The following IL33 variants were observed in gnomAD, a reference collection of about 807,000 sequenced individuals.
IL33 encodes the protein interleukin 33.
A neutral mutation model predicts 27.3 loss-of-function variants in IL33; 37 were observed. The observed-to-expected ratio is 1.36, with a 90% CI of 1.04 to 1.78. The LOEUF is 1.78. Ranked by LOEUF, IL33 falls within the 40% of genes most tolerant of loss-of-function variation. The pLI, the probability that IL33 is intolerant of heterozygous loss-of-function variation, is 0.00. For missense variants in IL33, 406 were observed against 311.4 expected (o/e 1.30, Z -2.29); for synonymous variants, 132 against 102.9 (o/e 1.28, Z -1.71).
Position 6,256,904 on chromosome 9 carries a change from G to C in IL33, c.*736G>C, listed in dbSNP as rs1816763171. ...TTTTTATATATTGAGTTTAAGCAAGGCATTCTTACACGAGGAAGTGAAGTA... is the reference window on the plus strand; with the variant it reads ...TTTTTATATATTGAGTTTAAGCAAGCCATTCTTACACGAGGAAGTGAAGTA... On this transcript the variant is annotated 3_prime_UTR_variant, in exon 8 of 8. Coordinates refer to ENST00000682010, the MANE Select transcript of IL33 (RefSeq NM_033439.4). 6.6e-6 allele frequency: 1 copy of C among 151,928 alleles called. No homozygotes were observed. The highest frequency in any genetic ancestry group is 1.5e-5 in the Non-Finnish European group (1 of 67,990). 9.4% of individuals were successfully genotyped at this position (151,928 alleles called of 1,614,324 possible). A position where few individuals can be genotyped will look rare whatever the true frequency, so the allele number is the denominator to read the frequency against.
chr9:6,246,977 A>C (rs562885978), intron 2 of IL33, among the ~76,000 whole-genome samples: 52 of 152,370 alleles, frequency 3.4e-4, no homozygotes, highest in African/African-American at 1.2e-3. Flanking sequence ...TCCAGAATTC[A>C]GAAGATATAC....
At position 6,251,254 on chromosome 9, in the gene IL33, C is replaced by A; in HGVS notation, c.332C>A (p.Ser111Ter). 6.2e-7 allele frequency: 1 copy of A among 1,613,432 alleles called. No individual in the cohort carries two copies. Among genetic ancestry groups the A allele is most frequent in the South Asian group, 1.1e-5 (1 of 91,028 alleles). Residue 111 changes from serine (S) to a stop codon, truncating the protein, a stop_gained, in exon 4 of 8, where the codon TCA becomes TAA. Transcript: ENST00000682010. LOFTEE classifies it high-confidence loss of function. ...AAATATACTAGAGCACTTCATGATT[C>A]AAGTATCACAGGTATGACTGGTTAC... ...VQKYTRALHD[S>*]SITGISPITE...
chr9:6,225,535 A>G (rs10435816), intron 1 of IL33, among the ~76,000 whole-genome samples: 52,169 of 151,858 alleles, frequency 0.34, 10,492 homozygotes, highest in African/African-American at 0.55. Flanking sequence ...GTTTTAGGCC[A>G]CCTCTGCAGT....
At position 6,251,159 on chromosome 9, in the gene IL33, T is replaced by A; in HGVS notation, c.237T>A (p.His79Gln). 1 of 1,613,914 alleles carries A rather than the reference T, an allele frequency of 6.2e-7. No homozygotes were observed. Among genetic ancestry groups the A allele is most frequent in the Non-Finnish European group, 8.5e-7 (1 of 1,179,830 alleles). ...CTGCAGGTAGAAAGCACAAAAGACATCTGGTACTCGCTGCCTGTCAACAGC... is the reference window on the plus strand; with the variant it reads ...CTGCAGGTAGAAAGCACAAAAGACAACTGGTACTCGCTGCCTGTCAACAGC... ...SLKTGRKHKR[H>Q]LVLAACQQQS... is the part of the protein sequence containing the mutation. The change falls in exon 4 of 8, where the codon CAT becomes CAA. Residue 79 changes from histidine to glutamine, a missense_variant. Transcript: ENST00000682010.
In IL33 at chr9:6,218,634, TA is replaced by T. The variant is rs1002152371; in HGVS notation, c.-12+2783del. Among the ~76,000 whole-genome samples the T allele has an allele frequency of 1.2e-4, 17 of 146,500 alleles. 1 individual carries two copies. Among genetic ancestry groups the T allele is most frequent in the African/African-American group, 4.0e-4 (16 of 39,606 alleles). On this transcript the variant is annotated intron_variant, in intron 1 of 7. Coordinates refer to ENST00000682010, the MANE Select transcript of IL33 (RefSeq NM_033439.4). ...CACATATATATTCTCCCTATATATA[TA>T]TTTTTTCTCCCTATACATATGTCCC... is the stretch of plus-strand genomic sequence containing the variant.
At chr9:6,216,521 G>A (rs1447594187) in intron 1 of IL33, among the ~76,000 whole-genome samples, 2 of 152,264 alleles carry the variant, frequency 1.3e-5, no homozygotes, top group East Asian at 3.9e-4. Flanking sequence ...AATCGCCTGA[G>A]GTCAGGAGTT....
chr9:6,227,652 T>C (rs1254417517), intron 1 of IL33, among the ~76,000 whole-genome samples: 2 of 152,182 alleles, frequency 1.3e-5, no homozygotes, highest in African/African-American at 4.8e-5. Flanking sequence ...TTCCAACCAT[T>C]AAGTGTAATG....
intron 1 of IL33, among the ~76,000 whole-genome samples, chr9:6,217,982 ATTTGTCT>A (rs1818220882): frequency 2.0e-5 from 3 of 146,762 alleles, no homozygotes; most frequent in African/African-American, 2.4e-5. Context: ...TGCTTCTCAA[ATTTGTCT>A]TTTGAATACT....
intron 1 of IL33, among the ~76,000 whole-genome samples, chr9:6,222,998 C>T (rs568065222): frequency 1.9e-4 from 29 of 152,132 alleles, no homozygotes; most frequent in African/African-American, 6.0e-4. Context: ...AATAATAAAA[C>T]AAATACCTGT....
rs139007911 is a variant in IL33 at position 6,256,044 on chromosome 9, T to C, written c.689T>C (p.Phe230Ser). ...AATATGCACTCCAACTGTGTTTCATTTGAATGCAAGACTGATCCTGGAGTG... is the reference window on the plus strand; with the variant it reads ...AATATGCACTCCAACTGTGTTTCATCTGAATGCAAGACTGATCCTGGAGTG... The part of the protein sequence containing the change: ...LHNMHSNCVS[F>S]ECKTDPGVFI... The change falls in exon 8 of 8, where the codon TTT (phenylalanine) becomes TCT (serine). Residue 230 changes from phenylalanine (F) to serine (S), a missense_variant. Phe to Ser is a radical substitution (Grantham distance 155). Transcript: ENST00000682010. 6.8e-6 allele frequency: 11 copies of C among 1,613,598 alleles called. No homozygotes were observed. Among genetic ancestry groups the C allele is most frequent in the African/African-American group, 2.7e-5 (2 of 74,920 alleles).
Position 6,256,438 on chromosome 9 carries a change from T to A in IL33, c.*270T>A, listed in dbSNP as rs2130486651. 2 of 467,322 alleles carry A rather than the reference T, an allele frequency of 4.3e-6. No individual in the cohort carries two copies. Among genetic ancestry groups the A allele is most frequent in the Non-Finnish European group, 7.5e-6 (2 of 268,084 alleles). The allele number at this position is 467,322 out of a possible 1,614,324, so 28.9% of individuals were successfully genotyped here. ...CGGTCAACATTCTAAAGAGATACAG[T>A]CTGACCTTTACTTTTCTCTAGTTTC... On this transcript the variant is annotated 3_prime_UTR_variant, in exon 8 of 8. Coordinates refer to ENST00000682010, the MANE Select transcript of IL33 (RefSeq NM_033439.4).
At chr9:6,243,401 C>A (rs1350784676) in intron 2 of IL33, among the ~76,000 whole-genome samples, 1 of 152,208 alleles carries the variant, frequency 6.6e-6, no homozygotes, top group African/African-American at 2.4e-5. Flanking sequence ...GTCTCCCAGG[C>A]TGAAGTGCAG....
chr9:6,226,728 A>G (rs1021316270), intron 1 of IL33, among the ~76,000 whole-genome samples: 6 of 152,236 alleles, frequency 3.9e-5, no homozygotes, highest in Non-Finnish European at 4.4e-5. Flanking sequence ...TTAGAATACT[A>G]TCTAACAATA....
In IL33 at chr9:6,254,475, T is replaced by A. The variant is rs1816605623; in HGVS notation, c.534T>A (p.Asp178Glu). The A allele has an allele frequency of 8.8e-6, 14 of 1,584,496 alleles. No individual in the cohort carries two copies. Among genetic ancestry groups the A allele is most frequent in the Non-Finnish European group, 1.1e-5 (13 of 1,162,470 alleles). Residue 178 changes from aspartate to glutamate, a missense_variant, in exon 7 of 8, where the codon GAT becomes GAA. By Grantham distance (45) the Asp-to-Glu change is conservative (BLOSUM62 2). Coordinates refer to ENST00000682010, the MANE Select transcript of IL33 (RefSeq NM_033439.4). The part of the protein sequence containing the change: ...HPSNESGDGV[D>E]GKMLMVTLSP... Reference sequence around the variant, plus strand: ...CTTAATTGTAAGGTGACGGTGTTGATGGTAAGATGTTAATGGTAACCCTGA... The same window carrying A: ...CTTAATTGTAAGGTGACGGTGTTGAAGGTAAGATGTTAATGGTAACCCTGA...
In IL33 at chr9:6,257,027, GCA is replaced by G. The variant is rs1816775148; in HGVS notation, c.*860_*861del. 6.6e-6 allele frequency: 1 copy of G among 151,462 alleles called. No homozygotes were observed. The highest frequency in any genetic ancestry group is 2.4e-5 in the African/African-American group (1 of 41,180). 9.4% of individuals were successfully genotyped at this position (151,462 alleles called of 1,614,324 possible). ...GTACTGAGTCACAACATGTTTTAGA[GCA>G]TCCAAGTACCATATAATCCAACTAT... On this transcript the variant is annotated 3_prime_UTR_variant, in exon 8 of 8. Transcript: ENST00000682010.
chr9:6,222,489 G>A (rs2130105056), intron 1 of IL33, among the ~76,000 whole-genome samples: 1 of 152,198 alleles, frequency 6.6e-6, no homozygotes, highest in South Asian at 2.1e-4. Flanking sequence ...AAAGTGTTGT[G>A]GAATATATTA....
chr9:6,241,857 G>A, intron 2 of IL33, 72 bp downstream of exon 2: 2 of 948,350 alleles, frequency 2.1e-6, no homozygotes, highest in Non-Finnish European at 1.6e-6. Context: ...ATACTCCAAT[G>A]TTTATACATG....
rs138736504 is a variant in IL33 at position 6,234,529 on chromosome 9, T to A, written c.-11-7155T>A. ...CCCTAAACTGGGAGTGAGACTTGGGTTTTAATCCTGACTCAGCCACTTGGT... is the reference window on the plus strand; with the variant it reads ...CCCTAAACTGGGAGTGAGACTTGGGATTTAATCCTGACTCAGCCACTTGGT... On this transcript the variant is annotated intron_variant, in intron 1 of 7. Transcript: ENST00000682010. Among the ~76,000 whole-genome samples the A allele has an allele frequency of 8.5e-5, 13 of 152,124 alleles. No individual in the cohort carries two copies. In the East Asian group the frequency reaches 2.5e-3, roughly 29 times the overall value.
At chr9:6,218,731 A>C (rs1165440018) in intron 1 of IL33, among the ~76,000 whole-genome samples, 1 of 115,724 alleles carries the variant, frequency 8.6e-6, no homozygotes, top group African/African-American at 3.0e-5. Flanking sequence ...TATGTTCTCC[A>C]TATATATATA....
Sources: gnomAD v4.1 joint callset for allele counts (sites outside exome capture counted in the v4.1 genomes callset) on GRCh38, gnomAD v4.1.1 for gene constraint, MANE v1.5 for transcripts, NCBI Gene and HGNC (gene_info 2026-07-23, HGNC 2026-07-21) for gene names.